NEGR1: variants seen among roughly 807,000 people sequenced by gnomAD.
The protein encoded by NEGR1 is IgLON family member 4.
A neutral mutation model predicts 40.9 loss-of-function variants in NEGR1; 10 were observed. That is an observed-to-expected ratio of 0.24 (90% CI 0.15 to 0.42). The LOEUF is 0.42. Ranked by LOEUF, NEGR1 falls within the 10% of genes least tolerant of loss-of-function variation. The pLI, the probability that NEGR1 is intolerant of heterozygous loss-of-function variation, is 1.00. For missense variants in NEGR1, 352 were observed against 438.9 expected, an observed-to-expected ratio of 0.80 and a Z score of 1.77; for synonymous variants, 185 against 166.8, an observed-to-expected ratio of 1.11 and a Z score of -0.84.
At chr1:71,430,747 C>T (rs1429568255) in intron 6 of NEGR1, among the ~76,000 whole-genome samples, 3 of 131,344 alleles carry the variant, frequency 2.3e-5, no homozygotes, top group Admixed American at 8.8e-5. Flanking sequence ...CGCTCTGTCA[C>T]CCAGGCTGGA....
At chr1:71,553,377 C>G (rs1369956642) in intron 6 of NEGR1, among the ~76,000 whole-genome samples, 3 of 151,472 alleles carry the variant, frequency 2.0e-5, no homozygotes, top group Non-Finnish European at 4.4e-5. Context: ...CAACTTATAA[C>G]TGTTTTCATT....
At chr1:71,734,863 C>T (rs1187680977) in intron 3 of NEGR1, among the ~76,000 whole-genome samples, 1 of 152,076 alleles carries the variant, frequency 6.6e-6, no homozygotes, top group Non-Finnish European at 1.5e-5. Flanking sequence ...TTGCATTGTC[C>T]TCTTCAGTTC....
intron 6 of NEGR1, among the ~76,000 whole-genome samples, chr1:71,431,563 T>C (rs71500634): frequency 0.45 from 23,394 of 51,948 alleles, 3,676 homozygotes; most frequent in African/African-American, 0.52. Flanking sequence ...TCCATCTGTT[T>C]ATCCATTCAT....
intron 4 of NEGR1, among the ~76,000 whole-genome samples, chr1:71,692,747 G>A (rs1010480604): frequency 2.0e-5 from 3 of 151,852 alleles, no homozygotes; most frequent in Admixed American, 1.3e-4. Context: ...GGAAGATAAC[G>A]TGCATATTTG....
intron 3 of NEGR1, among the ~76,000 whole-genome samples, chr1:71,719,789 CT>C (rs1654440256): frequency 6.6e-6 from 1 of 152,072 alleles, no homozygotes; most frequent in African/African-American, 2.4e-5. Flanking sequence ...CCCCCACCCC[CT>C]GGCAGGCCCT....
intron 6 of NEGR1, chr1:71,421,581 A>G (rs553076933): frequency 6.6e-6 from 1 of 152,220 alleles, no homozygotes; most frequent in East Asian, 1.9e-4. Flanking sequence ...CCACATTTAA[A>G]TACATGTGTT....
chr1:72,047,793 A>G (rs1411299868), intron 1 of NEGR1, among the ~76,000 whole-genome samples: 1 of 151,550 alleles, frequency 6.6e-6, no homozygotes, highest in Non-Finnish European at 1.5e-5. Context: ...ACATCCTAAT[A>G]AGCATTTGGT....
intron 1 of NEGR1, among the ~76,000 whole-genome samples, chr1:71,939,919 G>T (rs891409036): frequency 6.6e-6 from 1 of 152,144 alleles, no homozygotes; most frequent in Non-Finnish European, 1.5e-5. Context: ...TTTTTTAGAT[G>T]AAGAAGCAAA....
intron 2 of NEGR1, among the ~76,000 whole-genome samples, chr1:71,820,828 C>T (rs1658404351): frequency 1.3e-5 from 2 of 151,892 alleles, no homozygotes; most frequent in South Asian, 2.1e-4. Flanking sequence ...GAAATTAGTG[C>T]CACCCTTATA....
At chr1:71,909,603 A>G (rs1661368965) in intron 2 of NEGR1, among the ~76,000 whole-genome samples, 1 of 152,218 alleles carries the variant, frequency 6.6e-6, no homozygotes, top group Admixed American at 6.5e-5. Context: ...AGTACCCACA[A>G]TTTAAAAGAG....
chr1:71,955,656 C>T (rs1199256750), intron 1 of NEGR1, among the ~76,000 whole-genome samples: 1 of 152,116 alleles, frequency 6.6e-6, no homozygotes, highest in Non-Finnish European at 1.5e-5. Context: ...TAGTTTTATA[C>T]TTTGTATTTT....
At chr1:71,796,381 T>A (rs1657325934) in intron 2 of NEGR1, among the ~76,000 whole-genome samples, 1 of 152,148 alleles carries the variant, frequency 6.6e-6, no homozygotes, top group Non-Finnish European at 1.5e-5. Flanking sequence ...GTGTGTGTAA[T>A]TTTGGAGGTA....
At chr1:71,846,516 T>C in intron 2 of NEGR1, among the ~76,000 whole-genome samples, 1 of 152,092 alleles carries the variant, frequency 6.6e-6, no homozygotes, top group Non-Finnish European at 1.5e-5. Flanking sequence ...TAAAGCTGAC[T>C]CTCTCATCCT....
At chr1:71,418,846 C>G (rs1184427417) in intron 6 of NEGR1, among the ~76,000 whole-genome samples, 1 of 152,144 alleles carries the variant, frequency 6.6e-6, no homozygotes, top group East Asian at 1.9e-4. Context: ...TTCTTCCCGA[C>G]AGAGTCTAAC....
intron 2 of NEGR1, among the ~76,000 whole-genome samples, chr1:71,824,213 T>G (rs1398868524): frequency 1.3e-5 from 2 of 152,016 alleles, no homozygotes. Flanking sequence ...GGTAGATATT[T>G]GTTCAGAATA....
At chr1:72,074,895 T>C (rs886873352) in intron 1 of NEGR1, among the ~76,000 whole-genome samples, 2 of 152,114 alleles carry the variant, frequency 1.3e-5, no homozygotes, top group African/African-American at 4.8e-5. Flanking sequence ...CTTTTTCCTC[T>C]CTTAATGTTT....
intron 2 of NEGR1, among the ~76,000 whole-genome samples, chr1:71,879,536 G>A (rs1297025639): frequency 6.6e-6 from 1 of 152,206 alleles, no homozygotes. Flanking sequence ...AATTTAGGTG[G>A]AAAGCAGATT....
intron 1 of NEGR1, among the ~76,000 whole-genome samples, chr1:72,100,135 TTC>T (rs1346839955): frequency 6.6e-6 from 1 of 152,210 alleles, no homozygotes; most frequent in Non-Finnish European, 1.5e-5. Context: ...CTGATTGATT[TTC>T]TGTTTCTGAA....
intron 1 of NEGR1, among the ~76,000 whole-genome samples, chr1:71,969,637 G>A (rs540098285): frequency 6.6e-6 from 1 of 152,288 alleles, no homozygotes; most frequent in African/African-American, 2.4e-5. Flanking sequence ...AGAAAAGTCA[G>A]TATTCTGTCT....
Sources: allele counts gnomAD v4.1 joint callset (sites outside exome capture counted in the v4.1 genomes callset), GRCh38; gene constraint gnomAD v4.1.1; transcripts MANE v1.5; gene names NCBI Gene and HGNC (gene_info 2026-07-23, HGNC 2026-07-21).